NTN1: variants seen among roughly 807,000 people sequenced by gnomAD.
NTN1 encodes netrin 1.
A neutral mutation model predicts 54.2 loss-of-function variants in NTN1; 11 were observed. The observed-to-expected ratio is 0.20, with a 90% CI of 0.13 to 0.34. The LOEUF is 0.34. Among genes scored for constraint, NTN1 ranks in the 10% least tolerant of loss-of-function variants. The pLI is 1.00. For synonymous variants in NTN1, 371 were observed against 382.0 expected, an observed-to-expected ratio of 0.97 and a Z score of 0.33; for missense variants, 740 against 893.1, an observed-to-expected ratio of 0.83 and a Z score of 2.18.
intron 2 of NTN1, among the ~76,000 whole-genome samples, chr17:9,047,672 C>T (rs892108527): frequency 6.6e-6 from 1 of 151,860 alleles, no homozygotes. Flanking sequence ...GATATTTTGA[C>T]CTCCTCTCAT....
intron 2 of NTN1, among the ~76,000 whole-genome samples, chr17:9,098,966 A>G (rs1244532892): frequency 6.6e-6 from 1 of 152,200 alleles, no homozygotes; most frequent in African/African-American, 2.4e-5. Context: ...CTTCTGGTAT[A>G]TTTCCATTTT....
At chr17:9,226,223 C>T (rs1028840136) in intron 6 of NTN1, among the ~76,000 whole-genome samples, 9 of 151,380 alleles carry the variant, frequency 5.9e-5, no homozygotes, top group South Asian at 2.1e-4. Context: ...ACCCCAGGAC[C>T]GAAGGGAGCG....
intron 5 of NTN1, among the ~76,000 whole-genome samples, chr17:9,220,894 C>G (rs578074914): frequency 7.3e-6 from 1 of 137,326 alleles, no homozygotes; most frequent in African/African-American, 2.8e-5. Flanking sequence ...AGGAGCCCCC[C>G]GAGACTCTCA....
rs577790122 is a variant in NTN1, at chr17:9,154,930, G to T, written c.1019-7883G>T. Among the ~76,000 whole-genome samples, 4 of 152,264 alleles carry T rather than the reference G, an allele frequency of 2.6e-5. No individual in the cohort carries two copies. In the South Asian group the frequency reaches 8.3e-4, roughly 32 times the overall value. On this transcript the variant is annotated intron_variant, in intron 2 of 6. Transcript: ENST00000173229. ...GCTCTCTGTCCACACAGTGGGTCAT[G>T]TCCCAACTGGGTTCTTTTCCATTGA...
intron 2 of NTN1, among the ~76,000 whole-genome samples, chr17:9,066,806 C>T (rs1304901843): frequency 1.3e-5 from 2 of 151,948 alleles, no homozygotes; most frequent in Non-Finnish European, 1.5e-5. Context: ...TCCAGACCAG[C>T]CTGGCCAAAA....
intron 2 of NTN1, among the ~76,000 whole-genome samples, chr17:9,035,951 G>A (rs560564684): frequency 6.6e-6 from 1 of 152,330 alleles, no homozygotes; most frequent in East Asian, 1.9e-4. Context: ...GAACCTGGGA[G>A]GCGGAGGTTG....
intron 2 of NTN1, among the ~76,000 whole-genome samples, chr17:9,079,830 C>T (rs1597480203): frequency 6.6e-6 from 1 of 151,660 alleles, no homozygotes; most frequent in Non-Finnish European, 1.5e-5. Flanking sequence ...AGTGGTTCCC[C>T]AATGGGCCTG....
chr17:9,101,014 T>C (rs556147961), intron 2 of NTN1, among the ~76,000 whole-genome samples: 15 of 152,338 alleles, frequency 9.8e-5, no homozygotes, highest in African/African-American at 3.6e-4. Context: ...CTCCTCTTTC[T>C]CCATGAAGTT....
intron 2 of NTN1, among the ~76,000 whole-genome samples, chr17:9,043,759 T>C (rs1322051353): frequency 6.6e-6 from 1 of 152,026 alleles, no homozygotes; most frequent in African/African-American, 2.4e-5. Context: ...TTTGTGTTTT[T>C]AGTAGAGACG....
chr17:9,161,106 A>G (rs1002190582), intron 2 of NTN1, among the ~76,000 whole-genome samples: 1 of 152,228 alleles, frequency 6.6e-6, no homozygotes, highest in African/African-American at 2.4e-5. Context: ...TTGGAAGCCT[A>G]AAGAAGAAGG....
chr17:9,220,786 C>T (rs546218050), intron 5 of NTN1, among the ~76,000 whole-genome samples: 64 of 152,184 alleles, frequency 4.2e-4, no homozygotes, highest in Non-Finnish European at 5.9e-4. Context: ...AGACCCAGGG[C>T]GCGGGGTGAC....
intron 6 of NTN1, among the ~76,000 whole-genome samples, chr17:9,225,379 C>G (rs1905500608): frequency 6.6e-6 from 1 of 152,154 alleles, no homozygotes; most frequent in African/African-American, 2.4e-5. Flanking sequence ...GCGGAGGGCT[C>G]AGAGGAGCCC....
At chr17:9,233,713 T>G (rs1905890030) in intron 6 of NTN1, among the ~76,000 whole-genome samples, 1 of 151,968 alleles carries the variant, frequency 6.6e-6, no homozygotes, top group African/African-American at 2.4e-5. Context: ...GACGGCCTGG[T>G]AATGGGTCAA....
At chr17:9,131,343 T>A (rs2092264440) in intron 2 of NTN1, among the ~76,000 whole-genome samples, 1 of 152,242 alleles carries the variant, frequency 6.6e-6, no homozygotes, top group Non-Finnish European at 1.5e-5. Flanking sequence ...TCATTGTTTC[T>A]CTTCAATCAC....
intron 5 of NTN1, among the ~76,000 whole-genome samples, chr17:9,207,942 T>C (rs1905009196): frequency 6.6e-6 from 1 of 152,230 alleles, no homozygotes; most frequent in African/African-American, 2.4e-5. Context: ...GTTTAAAAGA[T>C]GCCTAAACCA....
chr17:9,143,250 G>A (rs1269467869), intron 2 of NTN1, among the ~76,000 whole-genome samples: 2 of 152,216 alleles, frequency 1.3e-5, no homozygotes, highest in Non-Finnish European at 2.9e-5. Context: ...GGATGCTGTC[G>A]GATGGCAGCA....
chr17:9,224,625 T>C (rs58570251), intron 6 of NTN1, among the ~76,000 whole-genome samples: 35,942 of 151,800 alleles, frequency 0.24, 4,645 homozygotes, highest in African/African-American at 0.31. Flanking sequence ...CTTCCTTGAG[T>C]TTTTCCTTCC....
chr17:9,117,682 T>C (rs1332956418), intron 2 of NTN1, among the ~76,000 whole-genome samples: 2 of 148,874 alleles, frequency 1.3e-5, no homozygotes, highest in African/African-American at 5.0e-5. Flanking sequence ...AGGCGGAGGT[T>C]GCAGTGAGGT....
At chr17:9,146,245 CA>C (rs1206004376) in intron 2 of NTN1, among the ~76,000 whole-genome samples, 2 of 152,158 alleles carry the variant, frequency 1.3e-5, no homozygotes, top group Non-Finnish European at 2.9e-5. Flanking sequence ...CATAATGACC[CA>C]GGGGTGCCTG....
Sources: gnomAD v4.1 joint callset for allele counts (sites outside exome capture counted in the v4.1 genomes callset) on GRCh38, gnomAD v4.1.1 for gene constraint, MANE v1.5 for transcripts, NCBI Gene and HGNC (gene_info 2026-07-23, HGNC 2026-07-21) for gene names.